ERC1: variants seen among roughly 807,000 people sequenced by gnomAD.
ERC1 encodes ELKS/RAB6-interacting/CAST family member 1, also known as RAB6 interacting protein 2.
ERC1 carries 56 observed loss-of-function variants against 132.0 expected under a neutral mutation model. The ratio of observed to expected loss-of-function variants is 0.42; its 90% CI spans 0.34 to 0.53. The LOEUF (loss-of-function observed/expected upper bound fraction) is 0.53, where lower values mean the gene tolerates loss of function less well. Among genes scored for constraint, ERC1 ranks in the 20% least tolerant of loss-of-function variants. The pLI, the probability that ERC1 is intolerant of heterozygous loss-of-function variation, is 0.03. For synonymous variants in ERC1, 478 were observed against 476.1 expected (o/e 1.00, Z -0.05); for missense variants, 1,202 against 1,349.9 (o/e 0.89, Z 1.72).
At chr12:1,129,910 A>G (rs779473527) in intron 7 of ERC1, among the ~76,000 whole-genome samples, 3 of 152,178 alleles carry the variant, frequency 2.0e-5, no homozygotes, top group Non-Finnish European at 2.9e-5. Context: ...ATAGTATGGC[A>G]TAGACCTTAC....
chr12:1,293,240 G>A (rs535183851), intron 15 of ERC1, among the ~76,000 whole-genome samples: 2 of 151,080 alleles, frequency 1.3e-5, no homozygotes, highest in South Asian at 4.2e-4. Context: ...AGATCACGAG[G>A]TCAGAAGATT....
In ERC1 at chr12:1,236,882, A is replaced by G. The variant is rs376803897; in HGVS notation, c.2465A>G (p.Asn822Ser). 3.7e-6 allele frequency: 6 copies of G among 1,614,094 alleles called. No individual in the cohort carries two copies. Among genetic ancestry groups the G allele is most frequent in the Middle Eastern group, 1.7e-4 (1 of 6,058 alleles). Residue 822 changes from asparagine (N) to serine (S), a missense_variant, in exon 13 of 19, where the codon AAC becomes AGC. By Grantham distance (46) the Asn-to-Ser change is conservative. Coordinates refer to ENST00000360905, the MANE Select transcript of ERC1 (RefSeq NM_178040.4). ...EEARRREDNL[N>S]DSSQQLQDSL... ...GCGCGACGACGGGAGGACAATCTCA[A>G]CGACAGCTCTCAGCAGCTACAGGTT...
At chr12:1,140,611 T>C (rs556930702) in intron 7 of ERC1, among the ~76,000 whole-genome samples, 3 of 152,170 alleles carry the variant, frequency 2.0e-5, no homozygotes, top group South Asian at 4.1e-4. Context: ...GAAACATTAT[T>C]CATATTTTCT....
chr12:1,082,594 G>T (rs903224886), intron 2 of ERC1, among the ~76,000 whole-genome samples: 2 of 148,918 alleles, frequency 1.3e-5, no homozygotes, highest in Non-Finnish European at 3.0e-5. Context: ...AAGTTCAAGC[G>T]ATTCTCCTGT....
rs1375343846 is a variant in ERC1 at position 1,492,174 on chromosome 12, A to G, written c.*1944A>G. On this transcript the variant is annotated 3_prime_UTR_variant, in exon 19 of 19. Transcript: ENST00000360905. Reference sequence around the variant, plus strand: ...ATCGAAGGTTAAATGGACTCTGCTCATAAACCTCTTACTGAGATGCTTCCT... The same window carrying G: ...ATCGAAGGTTAAATGGACTCTGCTCGTAAACCTCTTACTGAGATGCTTCCT... 8.6e-6 allele frequency: 2 copies of G among 232,906 alleles called. No individual in the cohort carries two copies. 14.4% of individuals were successfully genotyped at this position (232,906 alleles called of 1,614,324 possible). A position where few individuals can be genotyped will look rare whatever the true frequency, so the allele number is the denominator to read the frequency against.
At chr12:1,032,739 C>T (rs1968283416) in intron 2 of ERC1, among the ~76,000 whole-genome samples, 4 of 152,166 alleles carry the variant, frequency 2.6e-5, no homozygotes. Flanking sequence ...TTTGAGTTGT[C>T]AGTACAATAC....
intron 17 of ERC1, among the ~76,000 whole-genome samples, chr12:1,433,306 A>G (rs564080548): frequency 3.9e-5 from 6 of 152,318 alleles, no homozygotes; most frequent in African/African-American, 9.6e-5. Flanking sequence ...AAGAGATGGC[A>G]GAGGTAGGAG....
intron 1 of ERC1, among the ~76,000 whole-genome samples, chr12:1,014,888 C>T (rs1965272894): frequency 6.6e-6 from 1 of 151,066 alleles, no homozygotes; most frequent in South Asian, 2.1e-4. Context: ...CTCAGCCTCC[C>T]AAGTAGCTGG....
In ERC1 at chr12:1,458,374, G is replaced by A. The variant is rs556942960; in HGVS notation, c.3213+13624G>A. On this transcript the variant is annotated intron_variant, in intron 18 of 18. Coordinates refer to ENST00000360905, the MANE Select transcript of ERC1 (RefSeq NM_178040.4). ...ATAGGAGATAAGAGTACCAGATATA[G>A]AAAGAGTAAAGACAAATCCTATCGT... Among the ~76,000 whole-genome samples, 9 of 152,266 alleles carry A rather than the reference G, an allele frequency of 5.9e-5. No individual in the cohort carries two copies. In the East Asian group the frequency reaches 1.7e-3, roughly 29 times the overall value.
At chr12:1,153,530 C>T (rs879637294) in intron 8 of ERC1, among the ~76,000 whole-genome samples, 2 of 152,214 alleles carry the variant, frequency 1.3e-5, no homozygotes, top group Non-Finnish European at 2.9e-5. Context: ...AGAAGCAGTC[C>T]AGTCAACAGC....
At position 1,479,037 on chromosome 12, in the gene ERC1, A is replaced by C. The variant is rs151086986; in HGVS notation, c.3214-11056A>C. 4.6e-3 allele frequency among the ~76,000 whole-genome samples: 697 copies of C among 152,296 alleles called. 2 individuals are homozygous for C. The highest frequency in any genetic ancestry group is 7.7e-3 in the South Asian group (37 of 4,824). ...AGGTAGAAATCCAAATGTGTTTTGC[A>C]TATAGCCCCACCATTTATCAGAAAG... is the stretch of plus-strand genomic sequence containing the variant. On this transcript the variant is annotated intron_variant, in intron 18 of 18. Transcript: ENST00000360905.
intron 15 of ERC1, among the ~76,000 whole-genome samples, chr12:1,345,582 T>C (rs1056930869): frequency 6.6e-5 from 10 of 152,210 alleles, no homozygotes; most frequent in Admixed American, 3.3e-4. Context: ...GCATCTTTTA[T>C]TTTTATTTTA....
chr12:1,032,716 T>C (rs1350735001), intron 2 of ERC1, among the ~76,000 whole-genome samples: 1 of 152,240 alleles, frequency 6.6e-6, no homozygotes, highest in Non-Finnish European at 1.5e-5. Flanking sequence ...GTACATTTTC[T>C]TCAGTTGACA....
At chr12:1,194,517 A>G (rs1956038407) in intron 12 of ERC1, among the ~76,000 whole-genome samples, 1 of 152,040 alleles carries the variant, frequency 6.6e-6, no homozygotes, top group African/African-American at 2.4e-5. Context: ...TTTTTCACTC[A>G]CGCTGTCCAT....
chr12:1,014,350 A>T (rs2154140979), intron 1 of ERC1, among the ~76,000 whole-genome samples: 1 of 151,588 alleles, frequency 6.6e-6, no homozygotes, highest in South Asian at 2.1e-4. Context: ...TAATGTTGGT[A>T]TTTTTGGTAG....
intron 14 of ERC1, among the ~76,000 whole-genome samples, chr12:1,286,293 C>CA (rs71293127): frequency 0.17 from 13,949 of 80,900 alleles, 1,198 homozygotes; most frequent in African/African-American, 0.24. Context: ...GACTCCATCT[C>CA]AAAAAAAAAA....
chr12:1,058,723 T>C (rs1233985094), intron 2 of ERC1, among the ~76,000 whole-genome samples: 2 of 152,050 alleles, frequency 1.3e-5, no homozygotes, highest in Non-Finnish European at 2.9e-5. Flanking sequence ...TTTTTATTTC[T>C]CTGAAGAATA....
Position 1,236,877 on chromosome 12 carries a change from T to A in ERC1, c.2460T>A (p.Asn820Lys). ...AGGAGGCGCGACGACGGGAGGACAA[T>A]CTCAACGACAGCTCTCAGCAGCTAC... Reference protein sequence around the residue: ...MLEEARRREDNLNDSSQQLQD... With the variant: ...MLEEARRREDKLNDSSQQLQD... Residue 820 changes from asparagine to lysine, a missense_variant, in exon 13 of 19, where the codon AAT (asparagine) becomes AAA (lysine). Coordinates refer to ENST00000360905, the MANE Select transcript of ERC1 (RefSeq NM_178040.4). 1 of 1,614,000 alleles carries A rather than the reference T, an allele frequency of 6.2e-7. No individual in the cohort carries two copies. The highest frequency in any genetic ancestry group is 8.5e-7 in the Non-Finnish European group (1 of 1,179,940).
intron 15 of ERC1, among the ~76,000 whole-genome samples, chr12:1,309,408 A>T (rs1327783512): frequency 1.3e-5 from 2 of 152,214 alleles, no homozygotes; most frequent in Non-Finnish European, 2.9e-5. Context: ...AGATAGTAAG[A>T]TTATCTAATA....
Sources: gnomAD v4.1 joint callset for allele counts (sites outside exome capture counted in the v4.1 genomes callset) on GRCh38, gnomAD v4.1.1 for gene constraint, MANE v1.5 for transcripts, NCBI Gene and HGNC (gene_info 2026-07-23, HGNC 2026-07-21) for gene names.